ANK2: variants seen among roughly 807,000 people sequenced by gnomAD.
The protein encoded by ANK2 is ankyrin 2, also known as ankyrin-2.
Under a neutral mutation model 360.5 loss-of-function variants are expected in ANK2, and 83 were observed. The ratio of observed to expected loss-of-function variants is 0.23; its 90% CI spans 0.19 to 0.28. The LOEUF (loss-of-function observed/expected upper bound fraction) is 0.28, where lower values mean the gene tolerates loss of function less well. Among genes scored for constraint, ANK2 ranks in the 10% least tolerant of loss-of-function variants. The probability of loss-of-function intolerance (pLI) is 1.00; values close to 1 mark genes in which losing one functional copy is unlikely to be tolerated. For missense variants in ANK2, 4,201 were observed against 4,795.7 expected (o/e 0.88, Z 3.66); for synonymous variants, 1,740 against 1,759.5 (o/e 0.99, Z 0.28).
At chr4:113,346,161 C>G (rs2094826584) in intron 35 of ANK2, 139 bp downstream of exon 35, 1 of 1,008,472 alleles carries the variant, frequency 9.9e-7, no homozygotes, top group Admixed American at 2.0e-5. Context: ...CCAACAAAGA[C>G]TGATTGAAAG....
intron 4 of ANK2, among the ~76,000 whole-genome samples, chr4:113,218,038 T>C (rs770793876): frequency 1.3e-5 from 2 of 152,202 alleles, no homozygotes; most frequent in Non-Finnish European, 2.9e-5. Context: ...TAAGGGTAAG[T>C]CAGCACAGAT....
intron 1 of ANK2, among the ~76,000 whole-genome samples, chr4:113,071,245 G>T (rs1317614385): frequency 6.6e-6 from 1 of 152,158 alleles, no homozygotes; most frequent in Non-Finnish European, 1.5e-5. Context: ...GCCAGGATAG[G>T]TACAAGCACT....
At chr4:113,070,655 T>C (rs1321800324) in intron 1 of ANK2, among the ~76,000 whole-genome samples, 1 of 152,074 alleles carries the variant, frequency 6.6e-6, no homozygotes, top group Non-Finnish European at 1.5e-5. Flanking sequence ...CAACACTCTT[T>C]ATTTTGTTGG....
At chr4:113,159,321 T>G (rs924714179) in intron 1 of ANK2, among the ~76,000 whole-genome samples, 1 of 152,028 alleles carries the variant, frequency 6.6e-6, no homozygotes, top group African/African-American at 2.4e-5. Context: ...GAGAGATACA[T>G]TTTATATACA....
intron 2 of ANK2, among the ~76,000 whole-genome samples, chr4:113,005,495 T>C (rs1403104672): frequency 6.6e-6 from 1 of 152,010 alleles, no homozygotes; most frequent in Admixed American, 6.6e-5. Flanking sequence ...AAAAGGCAAA[T>C]ACCACGTGTC....
chr4:113,288,573 G>A (rs1168617588), intron 20 of ANK2, 87 bp downstream of exon 20: 3 of 1,153,492 alleles, frequency 2.6e-6, no homozygotes, highest in Admixed American at 1.9e-5. Context: ...AGCTACAAGT[G>A]TATTTTTTTC....
chr4:112,764,285 G>A, the ANK2 span, among the ~76,000 whole-genome samples: 46 of 151,738 alleles, frequency 3.0e-4, no homozygotes, highest in African/African-American at 1.1e-3. Flanking sequence ...CCATTTTTTC[G>A]TCCCATTGAT....
At chr4:113,191,040 T>C (rs1015437963) in intron 2 of ANK2, among the ~76,000 whole-genome samples, 1 of 152,084 alleles carries the variant, frequency 6.6e-6, no homozygotes, top group African/African-American at 2.4e-5. Context: ...GAAAATGGCA[T>C]TTACATAGGA....
At chr4:112,865,974 C>A (rs544130964) in intron 1 of ANK2, among the ~76,000 whole-genome samples, 34 of 150,806 alleles carry the variant, frequency 2.3e-4, no homozygotes, top group Admixed American at 3.3e-4. Context: ...AGATTTGTTA[C>A]ACACACACAC....
chr4:113,142,246 T>G (rs2096658684), intron 1 of ANK2, among the ~76,000 whole-genome samples: 1 of 152,218 alleles, frequency 6.6e-6, no homozygotes, highest in African/African-American at 2.4e-5. Context: ...GTATATAGGT[T>G]GTCACATCAC....
intron 3 of ANK2, among the ~76,000 whole-genome samples, chr4:113,197,364 G>T (rs1328284128): frequency 6.6e-6 from 1 of 152,164 alleles, no homozygotes; most frequent in Non-Finnish European, 1.5e-5. Context: ...ACTTGTCGAG[G>T]ATTCATTTCA....
rs144796565 is a variant in ANK2 at position 112,924,448 on chromosome 4, A to G, written c.21+19934A>G. ...TTATGGGTAACACTTCATCTTAGAT[A>G]ACCAGTGCATATTCTGGCTACTGCT... On this transcript the variant is annotated intron_variant, in intron 2 of 30. Coordinates refer to the ANK2 transcript ENST00000503271. Among the ~76,000 whole-genome samples the G allele has an allele frequency of 3.2e-3, 489 of 152,236 alleles. 1 individual carries two copies. Among genetic ancestry groups the G allele is most frequent in the African/African-American group, 0.01 (435 of 41,576 alleles).
At chr4:113,191,202 G>T (rs1584440833) in intron 2 of ANK2, among the ~76,000 whole-genome samples, 1 of 152,136 alleles carries the variant, frequency 6.6e-6, no homozygotes, top group Non-Finnish European at 1.5e-5. Flanking sequence ...AATTAGCCAG[G>T]TGTGGTGGCA....
At position 113,282,713 on chromosome 4, in the gene ANK2, T is replaced by A. The variant is rs2153713584; in HGVS notation, c.1920T>A (p.Asn640Lys). 1 of 1,613,760 alleles carries A rather than the reference T, an allele frequency of 6.2e-7. No individual in the cohort carries two copies. The highest frequency in any genetic ancestry group is 8.5e-7 in the Non-Finnish European group (1 of 1,179,832). Reference sequence around the variant, plus strand: ...CGTTACATATTGCTGCCAAGAAGAATCAAATGCAGATAGCTTCCACACTCC... The same window carrying A: ...CGTTACATATTGCTGCCAAGAAGAAACAAATGCAGATAGCTTCCACACTCC... Reference protein sequence around the residue: ...YTPLHIAAKKNQMQIASTLLN... With the variant: ...YTPLHIAAKKKQMQIASTLLN... The change falls in exon 18 of 46, where the codon AAT becomes AAA. Residue 640 changes from asparagine (N) to lysine (K), a missense_variant. Asn to Lys is a moderately conservative substitution (Grantham distance 94). This residue lies in a region of ANK2 where 1,268 missense variants were observed against 1,650.8 expected (regional missense o/e 0.77). Coordinates refer to ENST00000357077, the MANE Select transcript of ANK2 (RefSeq NM_001148.6).
At chr4:112,938,809 C>A (rs1435980551) in intron 2 of ANK2, among the ~76,000 whole-genome samples, 1 of 152,136 alleles carries the variant, frequency 6.6e-6, no homozygotes, top group African/African-American at 2.4e-5. Flanking sequence ...GTCTCTAGTA[C>A]CCTTTTAACA....
intron 1 of ANK2, among the ~76,000 whole-genome samples, chr4:112,858,192 G>A (rs183927653): frequency 6.6e-6 from 1 of 151,878 alleles, no homozygotes; most frequent in African/African-American, 2.4e-5. Flanking sequence ...TTTGTAAAGA[G>A]GAAGTTTTTT....
At chr4:113,003,874 C>T (rs1314482993) in intron 2 of ANK2, among the ~76,000 whole-genome samples, 1 of 152,184 alleles carries the variant, frequency 6.6e-6, no homozygotes, top group African/African-American at 2.4e-5. Context: ...GCTTGTTTCA[C>T]CTAGGCCACA....
chr4:112,862,833 G>A (rs2150124241), intron 1 of ANK2, among the ~76,000 whole-genome samples: 1 of 152,102 alleles, frequency 6.6e-6, no homozygotes, highest in East Asian at 1.9e-4. Context: ...GAGGCGAGAT[G>A]GAGTGCAGGA....
the ANK2 span, among the ~76,000 whole-genome samples, chr4:112,728,301 A>C: frequency 6.7e-6 from 1 of 149,308 alleles, no homozygotes; most frequent in Non-Finnish European, 1.5e-5. Flanking sequence ...TCAAAAAAAA[A>C]AAAAAAAAAA....
Sources: gnomAD v4.1 joint callset for allele counts (sites outside exome capture counted in the v4.1 genomes callset) on GRCh38, gnomAD v4.1.1 for gene constraint, gnomAD v4.1.1 regional missense constraint, MANE v1.5 for transcripts, NCBI Gene and HGNC (gene_info 2026-07-23, HGNC 2026-07-21) for gene names.